CEP85: variants seen among roughly 807,000 people sequenced by gnomAD.
CEP85 encodes the protein centrosomal protein of 85 kDa.
In CEP85, 58 loss-of-function variants were observed where a neutral mutation model predicts 93.7. The ratio of observed to expected loss-of-function variants is 0.62; its 90% CI spans 0.50 to 0.77. The LOEUF is 0.77. Ranked by LOEUF, CEP85 falls within the 30% of genes least tolerant of loss-of-function variation. CEP85 has a pLI of 0.00. For synonymous variants in CEP85, 314 were observed against 338.6 expected, an observed-to-expected ratio of 0.93 and a Z score of 0.80; for missense variants, 868 against 922.0, an observed-to-expected ratio of 0.94 and a Z score of 0.76.
intron 6 of CEP85, 32 bp from the exon 7 acceptor site, chr1:26,259,585 G>T (rs377370586): frequency 1.1e-5 from 17 of 1,573,400 alleles, no homozygotes; most frequent in Admixed American, 5.5e-5. Flanking sequence ...TAAGGGTAGA[G>T]AACAGTTACA....
chr1:26,277,552 A>C lies in CEP85; in HGVS notation c.*259A>C, dbSNP rs1302111377. On this transcript the variant is annotated 3_prime_UTR_variant, in exon 14 of 14. Coordinates refer to ENST00000451429, the MANE Select transcript of CEP85 (RefSeq NM_001319944.2). The stretch of plus-strand genomic sequence containing the variant: ...TGGCAGGTACAACAGATAAGTCCTC[A>C]CAAACTGTTCCCAGCCCTAGGCTGA... The C allele has an allele frequency of 8.2e-6, 3 of 366,462 alleles. No homozygotes were observed. The highest frequency in any genetic ancestry group is 1.6e-5 in the Non-Finnish European group (3 of 193,376). The allele number at this position is 366,462 out of a possible 1,614,324, so 22.7% of individuals were successfully genotyped here.
At chr1:26,269,428 AT>A in intron 8 of CEP85, 31 bp from the exon 9 acceptor site, 2 of 1,607,908 alleles carry the variant, frequency 1.2e-6, no homozygotes, top group Non-Finnish European at 8.5e-7. Context: ...CACTTGGCTT[AT>A]TTGACCTAAA....
chr1:26,267,883 C>T (rs2089915449), intron 7 of CEP85, among the ~76,000 whole-genome samples: 1 of 152,116 alleles, frequency 6.6e-6, no homozygotes, highest in Non-Finnish European at 1.5e-5. Flanking sequence ...TAAATTTACT[C>T]ATGATGGGAT....
intron 7 of CEP85, among the ~76,000 whole-genome samples, chr1:26,265,630 G>T (rs961144231): frequency 2.0e-5 from 3 of 152,242 alleles, no homozygotes; most frequent in Non-Finnish European, 4.4e-5. Context: ...GTTGATACTT[G>T]CCTCCATAGT....
In CEP85 at chr1:26,268,559, A is replaced by C; in HGVS notation, c.1418A>C (p.Gln473Pro). The stretch of plus-strand genomic sequence containing the variant: ...GAATCAGAGCAGAACCGGGAGAAGC[A>C]GCAGCGTATTGAGACCTTGGAGCGC... ...QKESEQNREK[Q>P]QRIETLERYL... Residue 473 changes from glutamine (Q) to proline (P), a missense_variant, in exon 8 of 14, where the codon CAG becomes CCG. Physicochemically the swap from Gln to Pro is moderately conservative, Grantham distance 76 (BLOSUM62 -1). Coordinates refer to ENST00000451429, the MANE Select transcript of CEP85 (RefSeq NM_001319944.2). 6.2e-7 allele frequency: 1 copy of C among 1,614,152 alleles called. No individual in the cohort carries two copies. Among genetic ancestry groups the C allele is most frequent in the South Asian group, 1.1e-5 (1 of 91,074 alleles).
chr1:26,253,369 T>C (rs1489548179), intron 3 of CEP85, among the ~76,000 whole-genome samples: 1 of 150,928 alleles, frequency 6.6e-6, no homozygotes, highest in African/African-American at 2.4e-5. Context: ...CTGCATCCTC[T>C]CCAAACTTGT....
chr1:26,247,970 A>T (rs928523900), intron 3 of CEP85, among the ~76,000 whole-genome samples: 1 of 152,130 alleles, frequency 6.6e-6, no homozygotes, highest in Non-Finnish European at 1.5e-5. Flanking sequence ...CCCTAGAGTT[A>T]ATTTTGATAG....
In CEP85 at chr1:26,255,602, A is replaced by G. The variant is rs749618618; in HGVS notation, c.640A>G (p.Thr214Ala). The change falls in exon 4 of 14, where the codon ACA becomes GCA. Residue 214 changes from threonine to alanine, a missense_variant. Coordinates refer to ENST00000451429, the MANE Select transcript of CEP85 (RefSeq NM_001319944.2). The stretch of plus-strand genomic sequence containing the variant: ...CCGCTTCCACAACCCAAGAACCAGC[A>G]CAAGTAAGGAGTTGTACAGAGTGTT... Reference protein sequence around the residue: ...RVRFHNPRTSTSKELYRVLPE... With the variant: ...RVRFHNPRTSASKELYRVLPE... 3.7e-6 allele frequency: 6 copies of G among 1,613,956 alleles called. No individual in the cohort carries two copies. Among genetic ancestry groups the G allele is most frequent in the Non-Finnish European group, 5.1e-6 (6 of 1,180,010 alleles).
In CEP85 at chr1:26,275,062, C is replaced by T. The variant is rs756971473; in HGVS notation, c.1893C>T (p.Ala631=). 85 of 1,572,158 alleles carry T rather than the reference C, an allele frequency of 5.4e-5. No homozygotes were observed. The highest frequency in any genetic ancestry group is 6.8e-5 in the Non-Finnish European group (79 of 1,158,648). The stretch of plus-strand genomic sequence containing the variant: ...CAGCCCTGCAGCAGCTGCGCACAGC[C>T]GTGAAGGAGGTGAGCAACATTAGTC... ...RDSALQQLRT[A]VKELSVQNQD... The change falls in exon 12 of 14, where the codon GCC becomes GCT. Residue 631 remains alanine, a synonymous_variant. Coordinates refer to ENST00000451429, the MANE Select transcript of CEP85 (RefSeq NM_001319944.2).
At chr1:26,256,062 C>T (rs1168585046) in intron 4 of CEP85, among the ~76,000 whole-genome samples, 197 bp downstream of exon 4, 3 of 152,110 alleles carry the variant, frequency 2.0e-5, no homozygotes, top group Non-Finnish European at 2.9e-5. Flanking sequence ...GATAGGGTCT[C>T]CAAAATAGCA....
chr1:26,234,220 G>A lies in CEP85; in HGVS notation c.-113G>A, dbSNP rs1294638610. ...CGGGCGTGCAACGGCCGTTAGAGGA[G>A]CTGAGGGAGGGAACCACCGCTCACC... On this transcript the variant is annotated 5_prime_UTR_variant, in exon 1 of 14. Transcript: ENST00000451429. 1.3e-5 allele frequency: 2 copies of A among 152,282 alleles called. No homozygotes were observed. Among genetic ancestry groups the A allele is most frequent in the East Asian group, 1.9e-4 (1 of 5,180 alleles). The allele number at this position is 152,282 out of a possible 1,614,324, so 9.4% of individuals were successfully genotyped here. A position where few individuals can be genotyped will look rare whatever the true frequency, so the allele number is the denominator to read the frequency against.
At chr1:26,251,749 C>T (rs891320023) in intron 3 of CEP85, among the ~76,000 whole-genome samples, 5 of 152,012 alleles carry the variant, frequency 3.3e-5, no homozygotes, top group Admixed American at 2.6e-4. Flanking sequence ...GGTGTGGGCT[C>T]AAAACTGAAT....
intron 9 of CEP85, among the ~76,000 whole-genome samples, 183 bp from the exon 10 acceptor site, chr1:26,270,831 G>A (rs1448747146): frequency 1.3e-5 from 2 of 152,248 alleles, no homozygotes; most frequent in Non-Finnish European, 2.9e-5. Context: ...TTAGGGAAGA[G>A]AATTAACATA....
chr1:26,273,921 T>TA (rs1176267038), intron 11 of CEP85, among the ~76,000 whole-genome samples: 2 of 142,052 alleles, frequency 1.4e-5, no homozygotes, highest in African/African-American at 5.2e-5. Context: ...AATAAATAAA[T>TA]AAATAAATAA....
chr1:26,235,559 T>C (rs934501706), intron 1 of CEP85, among the ~76,000 whole-genome samples: 12 of 143,534 alleles, frequency 8.4e-5, no homozygotes, highest in Non-Finnish European at 1.8e-4. Flanking sequence ...CACACTTAGA[T>C]TGTAATTCTT....
At chr1:26,244,120 A>T (rs1263508416) in intron 2 of CEP85, 46 bp from the exon 3 acceptor site, 27 of 1,579,994 alleles carry the variant, frequency 1.7e-5, no homozygotes, top group Non-Finnish European at 2.3e-5. Flanking sequence ...TGATGGGGTT[A>T]CATCAGCTGG....
chr1:26,270,287 C>G (rs1487749503), intron 9 of CEP85, among the ~76,000 whole-genome samples: 2 of 152,096 alleles, frequency 1.3e-5, no homozygotes, highest in Non-Finnish European at 2.9e-5. Flanking sequence ...ATCCACAGTT[C>G]GAGCTGTGTA....
rs2089676135 is a variant in CEP85, at chr1:26,255,171, A to G, written c.209A>G (p.Asp70Gly). 1.9e-6 allele frequency: 3 copies of G among 1,612,122 alleles called. No individual in the cohort carries two copies. The highest frequency in any genetic ancestry group is 1.7e-5 in the Admixed American group (1 of 59,792). ...TTATGGAAGACTATTCTCTCCCCAG[A>G]TTTTTGCAGCTCAAGTGGCAGTCCT... ...IGTSCSDIAEDFCSSSGSPPF... is the reference protein window; with the variant it reads ...IGTSCSDIAEGFCSSSGSPPF... The change falls in exon 4 of 14, where the codon GAT becomes GGT. Residue 70 changes from aspartate to glycine, a missense_variant and splice_region_variant. By Grantham distance (94) the Asp-to-Gly change is moderately conservative. Coordinates refer to ENST00000451429, the MANE Select transcript of CEP85 (RefSeq NM_001319944.2).
chr1:26,271,786 G>A (rs7512586), intron 10 of CEP85: 47 of 509,158 alleles, frequency 9.2e-5, no homozygotes, highest in African/African-American at 3.4e-4. Context: ...TAGTGGTTAT[G>A]TGTTCACACT....
Sources: allele counts gnomAD v4.1 joint callset (sites outside exome capture counted in the v4.1 genomes callset), GRCh38; gene constraint gnomAD v4.1.1; transcripts MANE v1.5; gene names NCBI Gene and HGNC (gene_info 2026-07-23, HGNC 2026-07-21).